Variants in NPTN observed in about 807,000 individuals in gnomAD.
NPTN encodes neuroplastin, also known as SDR-1.
In NPTN, 5 loss-of-function variants were observed where a neutral mutation model predicts 42.7. That is an observed-to-expected ratio of 0.12 (90% CI 0.06 to 0.25). The LOEUF is 0.25. NPTN is among the 10% of genes least tolerant of loss of function. The probability of loss-of-function intolerance (pLI) is 1.00; values close to 1 mark genes in which losing one functional copy is unlikely to be tolerated. For missense variants in NPTN, 307 were observed against 525.4 expected, an observed-to-expected ratio of 0.58 and a Z score of 4.06; for synonymous variants, 180 against 201.9, an observed-to-expected ratio of 0.89 and a Z score of 0.92.
chr15:73,566,291 G>C (rs1466662215), intron 6 of NPTN, among the ~76,000 whole-genome samples: 1 of 152,092 alleles, frequency 6.6e-6, no homozygotes, highest in Non-Finnish European at 1.5e-5. Context: ...ATAGATTTTG[G>C]AACATTAGAA....
At chr15:73,596,921 T>A in intron 2 of NPTN, 101 bp downstream of exon 2, 2 of 898,660 alleles carry the variant, frequency 2.2e-6, no homozygotes, top group South Asian at 2.0e-5. Flanking sequence ...AGGGGTGGGG[T>A]GAGTGATCAT....
chr15:73,620,033 T>C lies in NPTN; in HGVS notation c.91+13092A>G, dbSNP rs114557389. Among the ~76,000 whole-genome samples the C allele has an allele frequency of 5.8e-3, 883 of 152,154 alleles. 5 individuals carry two copies. Among genetic ancestry groups the C allele is most frequent in the African/African-American group, 0.02 (841 of 41,504 alleles). On this transcript the variant is annotated intron_variant, in intron 1 of 8. Transcript: ENST00000345330. ...TTAAGAGATTTGCCAAAAATCAGGG[T>C]TTCAACCTAATCTCTCAGGCTCCAA...
chr15:73,602,206 T>C (rs1897111464), intron 1 of NPTN, among the ~76,000 whole-genome samples: 1 of 152,132 alleles, frequency 6.6e-6, no homozygotes, highest in Non-Finnish European at 1.5e-5. Flanking sequence ...TCAGACTAAC[T>C]TTCTCTCTCC....
intron 1 of NPTN, among the ~76,000 whole-genome samples, chr15:73,601,559 C>T (rs1897085189): frequency 6.6e-6 from 1 of 152,172 alleles, no homozygotes; most frequent in African/African-American, 2.4e-5. Flanking sequence ...AAATATGTAC[C>T]TTCAACAAGA....
chr15:73,613,716 C>T (rs1244217236), intron 1 of NPTN, among the ~76,000 whole-genome samples: 3 of 152,028 alleles, frequency 2.0e-5, no homozygotes, highest in South Asian at 2.1e-4. Context: ...GACAGAGTCT[C>T]GCTCTGTCGC....
intron 3 of NPTN, among the ~76,000 whole-genome samples, chr15:73,591,462 G>T (rs1896583905): frequency 6.6e-6 from 1 of 152,074 alleles, no homozygotes; most frequent in Non-Finnish European, 1.5e-5. Flanking sequence ...CCTCAATCCA[G>T]ATCATTCAAG....
intron 1 of NPTN, among the ~76,000 whole-genome samples, chr15:73,621,614 CA>C (rs1898139028): frequency 6.6e-6 from 1 of 152,168 alleles, no homozygotes; most frequent in South Asian, 2.1e-4. Context: ...TGCAAACAGA[CA>C]GTATTACAGG....
intron 1 of NPTN, among the ~76,000 whole-genome samples, chr15:73,623,494 C>G (rs1898237464): frequency 6.6e-6 from 1 of 152,096 alleles, no homozygotes; most frequent in Non-Finnish European, 1.5e-5. Flanking sequence ...TGAGACCAGC[C>G]TGGGCAACAT....
chr15:73,619,952 C>T (rs1898054480), intron 1 of NPTN, among the ~76,000 whole-genome samples: 1 of 152,150 alleles, frequency 6.6e-6, no homozygotes, highest in African/African-American at 2.4e-5. Context: ...AACCACCATC[C>T]TGTGAGGTAT....
chr15:73,603,037 T>C (rs1163270918), intron 1 of NPTN, among the ~76,000 whole-genome samples: 2 of 152,202 alleles, frequency 1.3e-5, no homozygotes, highest in Non-Finnish European at 2.9e-5. Context: ...AGTGACCAAA[T>C]GCAGCAAACT....
In NPTN at chr15:73,569,350, C is replaced by A; in HGVS notation, c.1114+800G>T. ...TTCTGACTCTAGGCATATCCAATAA[C>A]CTAAGATTTCAGCTCTTGCTCTTTC... On this transcript the variant is annotated intron_variant, in intron 6 of 8. Transcript: ENST00000345330. The surrounding 1 kb of genome is among the most constrained non-coding windows in gnomAD (Gnocchi z 4.1). 4 of 985,494 alleles carry A rather than the reference C, an allele frequency of 4.1e-6. No individual in the cohort carries two copies. The highest frequency in any genetic ancestry group is 3.6e-6 in the Non-Finnish European group (3 of 829,990). The allele number at this position is 985,494 out of a possible 1,614,324, so 61.0% of individuals were successfully genotyped here.
chr15:73,609,492 G>A (rs571149788), intron 1 of NPTN, among the ~76,000 whole-genome samples: 14 of 152,126 alleles, frequency 9.2e-5, no homozygotes, highest in Non-Finnish European at 1.3e-4. Flanking sequence ...TTAGCTGGGC[G>A]TGGTGGTGGG....
At position 73,569,481 on chromosome 15, in the gene NPTN, G is replaced by A. The variant is rs990835214; in HGVS notation, c.1114+669C>T. 5.1e-6 allele frequency: 5 copies of A among 985,256 alleles called. No homozygotes were observed. Among genetic ancestry groups the A allele is most frequent in the African/African-American group, 1.7e-5 (1 of 57,202 alleles). The allele number at this position is 985,256 out of a possible 1,614,324, so 61.0% of individuals were successfully genotyped here. On this transcript the variant is annotated intron_variant, in intron 6 of 8. Coordinates refer to ENST00000345330, the MANE Select transcript of NPTN (RefSeq NM_012428.4). The surrounding 1 kb of genome is among the most constrained non-coding windows in gnomAD (Gnocchi z 4.1). ...TCGGGGCATGGACTCCATTTGTTCC[G>A]CCTTTGCTATCTCTGTCTTACACTA...
At chr15:73,629,863 T>C (rs943611550) in intron 1 of NPTN, among the ~76,000 whole-genome samples, 9 of 151,130 alleles carry the variant, frequency 6.0e-5, no homozygotes, top group South Asian at 2.1e-4. Flanking sequence ...AAAAAAGCCA[T>C]AAAGTCTCTC....
At chr15:73,574,399 A>G (rs547212390) in intron 4 of NPTN, among the ~76,000 whole-genome samples, 1 of 152,204 alleles carries the variant, frequency 6.6e-6, no homozygotes, top group Non-Finnish European at 1.5e-5. Context: ...AAATTCAACC[A>G]GTGTCCCAAG....
chr15:73,615,315 A>G (rs2306462), intron 1 of NPTN, among the ~76,000 whole-genome samples: 16,478 of 152,200 alleles, frequency 0.11, 1,154 homozygotes, highest in African/African-American at 0.2. Context: ...GAAATTCATT[A>G]TAACAGCAGC....
At chr15:73,568,472 C>T (rs1343745097) in intron 6 of NPTN, 1 of 985,258 alleles carries the variant, frequency 1.0e-6, no homozygotes, top group East Asian at 1.1e-4. Context: ...CATAACTGAT[C>T]CCACAGAGCC....
chr15:73,593,884 G>A (rs775335325), intron 2 of NPTN, among the ~76,000 whole-genome samples: 11 of 152,168 alleles, frequency 7.2e-5, no homozygotes, highest in South Asian at 2.1e-4. Flanking sequence ...ATGTAAACAC[G>A]TTAGCGCAGT....
intron 4 of NPTN, among the ~76,000 whole-genome samples, chr15:73,574,446 G>A (rs1324213492): frequency 1.3e-5 from 2 of 152,118 alleles, no homozygotes; most frequent in Non-Finnish European, 2.9e-5. Context: ...ATTGAGATGG[G>A]GTCTTATTCT....
Sources: allele counts gnomAD v4.1 joint callset (sites outside exome capture counted in the v4.1 genomes callset), GRCh38; gene constraint gnomAD v4.1.1; non-coding constraint Gnocchi (gnomAD v3.1); transcripts MANE v1.5; gene names NCBI Gene and HGNC (gene_info 2026-07-23, HGNC 2026-07-21).